Variants in ENPP7 observed in about 807,000 individuals in gnomAD.
ENPP7 encodes the protein ectonucleotide pyrophosphatase/phosphodiesterase family member 7.
A neutral mutation model predicts 33.6 loss-of-function variants in ENPP7; 39 were observed. The ratio of observed to expected loss-of-function variants is 1.16; its 90% CI spans 0.90 to 1.52. ENPP7 has a LOEUF of 1.52. Among genes scored for constraint, ENPP7 ranks in the 40% most tolerant of loss-of-function variants. The probability of loss-of-function intolerance (pLI) is 0.00; values close to 1 mark genes in which losing one functional copy is unlikely to be tolerated. For synonymous variants in ENPP7, 244 were observed against 274.3 expected (o/e 0.89, Z 1.09); for missense variants, 594 against 641.0 (o/e 0.93, Z 0.79).
chr17:79,740,915 G>A (rs145239935), intron 5 of ENPP7, among the ~76,000 whole-genome samples: 235 of 152,324 alleles, frequency 1.5e-3, no homozygotes, highest in African/African-American at 5.3e-3. Context: ...TGGGGGGTCC[G>A]AAGTTTTCAT....
At chr17:79,741,141 T>G (rs1427886617) in intron 5 of ENPP7, among the ~76,000 whole-genome samples, 1 of 152,154 alleles carries the variant, frequency 6.6e-6, no homozygotes, top group African/African-American at 2.4e-5. Flanking sequence ...TGCACCACCA[T>G]GCCCAACTAA....
Position 79,737,503 on chromosome 17 carries a change from T to G in ENPP7, c.1246+243T>G, listed in dbSNP as rs1443968375. 1.8e-4 allele frequency among the ~76,000 whole-genome samples: 27 copies of G among 152,276 alleles called. No individual in the cohort carries two copies. Among genetic ancestry groups the G allele is most frequent in the Non-Finnish European group, 3.5e-4 (24 of 67,986 alleles). On this transcript the variant is annotated intron_variant, in intron 4 of 5. Transcript: ENST00000328313. This position sits in a 1 kb window ranked among gnomAD's most constrained non-coding sequence, Gnocchi z 5.5. The stretch of plus-strand genomic sequence containing the variant: ...TGGGCAGTCTTGCTCAAGAAGGGGC[T>G]GGAGGGAGCGAGGGTGGCCCAGGCG...
At position 79,735,317 on chromosome 17, in the gene ENPP7, A is replaced by G; in HGVS notation, c.674A>G (p.Tyr225Cys). The G allele has an allele frequency of 6.2e-7, 1 of 1,613,212 alleles. No homozygotes were observed. Among genetic ancestry groups the G allele is most frequent in the East Asian group, 2.2e-5 (1 of 44,864 alleles). The part of the protein sequence containing the change: ...MVRQVDRTVG[Y>C]LRESIARNHL... ...CGGCAGGTGGACCGGACCGTGGGCTACCTCCGGGAGAGCATCGCGCGCAAC... is the reference window on the plus strand; with the variant it reads ...CGGCAGGTGGACCGGACCGTGGGCTGCCTCCGGGAGAGCATCGCGCGCAAC... Residue 225 changes from tyrosine (Y) to cysteine (C), a missense_variant, in exon 3 of 6, where the codon TAC (tyrosine) becomes TGC (cysteine). Tyr to Cys is a radical substitution (Grantham distance 194). This residue lies in a region of ENPP7 where 504 missense variants were observed against 512.8 expected (regional missense o/e 0.98). Coordinates refer to ENST00000328313, the MANE Select transcript of ENPP7 (RefSeq NM_178543.5). This position sits in a 1 kb window ranked among gnomAD's most constrained non-coding sequence, Gnocchi z 5.5.
In ENPP7 at chr17:79,737,052, C is replaced by G. The variant is rs782642819; in HGVS notation, c.1038C>G (p.Val346=). The G allele has an allele frequency of 1.4e-5, 22 of 1,613,940 alleles. No homozygotes were observed. Among genetic ancestry groups the G allele is most frequent in the East Asian group, 6.7e-5 (3 of 44,878 alleles). The change falls in exon 4 of 6, where the codon GTC becomes GTG. Residue 346 remains valine (V), a synonymous_variant. Transcript: ENST00000328313. The surrounding 1 kb of genome is among the most constrained non-coding windows in gnomAD (Gnocchi z 5.5). The part of the protein sequence containing the change: ...LGYVIHGRIN[V]QFNNGEHGFD... ...CCGCTCCCCGGCAGAGAATTAACGT[C>G]CAGTTCAACAATGGGGAGCACGGCT...
chr17:79,733,413 T>A (rs2094289781), intron 1 of ENPP7, 95 bp from the exon 2 acceptor site: 37 of 1,291,340 alleles, frequency 2.9e-5, no homozygotes, highest in Middle Eastern at 2.4e-4. Flanking sequence ...CAGGGAAACC[T>A]GGGCTGTTTT....
intron 3 of ENPP7, among the ~76,000 whole-genome samples, chr17:79,736,536 C>CGTGTGTGTGTGTGT (rs58744239): frequency 6.8e-6 from 1 of 146,010 alleles, no homozygotes; most frequent in African/African-American, 2.5e-5. Flanking sequence ...GTGTGATAGG[C>CGTGTGTGTGTGTGT]GTGTGTGTGT....
rs1454492813 is a variant in ENPP7, at chr17:79,735,657, C to T, written c.1014C>T (p.Tyr338=). Residue 338 remains tyrosine, a synonymous_variant, in exon 3 of 6, where the codon TAC becomes TAT. Transcript: ENST00000328313. The surrounding 1 kb of genome is among the most constrained non-coding windows in gnomAD (Gnocchi z 5.5). ...TPLLMYSDLG[Y]VIHGRINVQF... ...TGCTGATGTACAGCGACCTTGGCTA[C>T]GTCATCCATGGGGTGAGTCGCCTGC... is the stretch of plus-strand genomic sequence containing the variant. 1.1e-5 allele frequency: 18 copies of T among 1,607,090 alleles called. No homozygotes were observed. Among genetic ancestry groups the T allele is most frequent in the Non-Finnish European group, 1.4e-5 (16 of 1,174,964 alleles).
rs141147522 is a variant in ENPP7 at position 79,735,300 on chromosome 17, G to A, written c.657G>A (p.Val219=). 8.0e-4 allele frequency: 1,285 copies of A among 1,613,278 alleles called. 12 individuals are homozygous for A. The African/African-American group carries it at 0.016, about 20-fold the overall frequency. The change falls in exon 3 of 6, where the codon GTG becomes GTA. Residue 219 remains valine, a synonymous_variant. Transcript: ENST00000328313. The surrounding 1 kb of genome is among the most constrained non-coding windows in gnomAD (Gnocchi z 5.5). ...AGAGGAGGGAGATGGTGCGGCAGGT[G>A]GACCGGACCGTGGGCTACCTCCGGG... ...SPERREMVRQ[V]DRTVGYLRES...
chr17:79,740,939 A>ACTAG (rs1555824446), intron 5 of ENPP7, among the ~76,000 whole-genome samples: 1 of 152,168 alleles, frequency 6.6e-6, no homozygotes, highest in African/African-American at 2.4e-5. Flanking sequence ...AGCCTGGTAA[A>ACTAG]GTCCATTTGG....
chr17:79,735,665 A>G lies in ENPP7; in HGVS notation c.1022A>G (p.His341Arg), dbSNP rs1555823458. The G allele has an allele frequency of 6.2e-7, 1 of 1,603,124 alleles. No individual in the cohort carries two copies. The highest frequency in any genetic ancestry group is 1.1e-5 in the South Asian group (1 of 90,764). Reference protein sequence around the residue: ...LMYSDLGYVIHGRINVQFNNG... With the variant: ...LMYSDLGYVIRGRINVQFNNG... ...TACAGCGACCTTGGCTACGTCATCC[A>G]TGGGGTGAGTCGCCTGCTGGAGGCA... The change falls in exon 3 of 6, where the codon CAT becomes CGT. Residue 341 changes from histidine to arginine, a missense_variant. Physicochemically the swap from His to Arg is conservative, Grantham distance 29. This residue lies in a region of ENPP7 where 504 missense variants were observed against 512.8 expected (regional missense o/e 0.98). Coordinates refer to ENST00000328313, the MANE Select transcript of ENPP7 (RefSeq NM_178543.5). The surrounding 1 kb of genome is among the most constrained non-coding windows in gnomAD (Gnocchi z 5.5).
intron 5 of ENPP7, 106 bp from the exon 6 acceptor site, chr17:79,741,688 T>A: frequency 1.1e-5 from 1 of 88,598 alleles, no homozygotes; most frequent in Non-Finnish European, 1.3e-5. Context: ...CCACGACCCC[T>A]CCCTCCCAGT....
rs1598197565 is a variant in ENPP7 at position 79,732,134 on chromosome 17, A to ATATATATATATATACACATATATATG, written c.253+756_253+757insCACATATATATGTATATATATATATA. The stretch of plus-strand genomic sequence containing the variant: ...CATATATATATACATATATATATGT[A>ATATATATATATATACACATATATATG]TATATATATATATATACACACACAT... On this transcript the variant is annotated intron_variant, in intron 1 of 5. Coordinates refer to ENST00000328313, the MANE Select transcript of ENPP7 (RefSeq NM_178543.5). Among the ~76,000 whole-genome samples the ATATATATATATATACACATATATATG allele has an allele frequency of 6.7e-5, 4 of 60,094 alleles. No homozygotes were observed. The Admixed American group carries it at 7.9e-4, about 12-fold the overall frequency. 39.4% of individuals were successfully genotyped at this position (60,094 alleles called of 152,430 possible). A position where few individuals can be genotyped will look rare whatever the true frequency, so the allele number is the denominator to read the frequency against.
At chr17:79,733,753 C>T in intron 2 of ENPP7, 100 bp downstream of exon 2, 1 of 1,285,058 alleles carries the variant, frequency 7.8e-7, no homozygotes, top group African/African-American at 1.5e-5. Context: ...GTCCCTTCCC[C>T]ACTCCAGGGT....
At chr17:79,736,920 A>G (rs1325439712) in intron 3 of ENPP7, 121 bp from the exon 4 acceptor site, 3 of 731,376 alleles carry the variant, frequency 4.1e-6, no homozygotes, top group African/African-American at 3.5e-5. Flanking sequence ...GAGTCTTGGA[A>G]CCCCTCCAGC....
chr17:79,733,699 C>T, intron 2 of ENPP7, 46 bp downstream of exon 2: 1 of 1,545,314 alleles, frequency 6.5e-7, no homozygotes. Context: ...CACGGGGGCA[C>T]CTAGGCCCAG....
At position 79,735,221 on chromosome 17, in the gene ENPP7, T is replaced by C. The variant is rs1555823270; in HGVS notation, c.578T>C (p.Leu193Pro). 2 of 1,613,302 alleles carry C rather than the reference T, an allele frequency of 1.2e-6. No individual in the cohort carries two copies. The highest frequency in any genetic ancestry group is 3.3e-5 in the Admixed American group (2 of 60,020). Reference protein sequence around the residue: ...FTEEDLDLVTLYFGEPDSTGH... With the variant: ...FTEEDLDLVTPYFGEPDSTGH... ...GAGGAGGACCTGGATCTGGTCACACTCTACTTCGGGGAGCCGGACTCCACG... is the reference window on the plus strand; with the variant it reads ...GAGGAGGACCTGGATCTGGTCACACCCTACTTCGGGGAGCCGGACTCCACG... Residue 193 changes from leucine to proline, a missense_variant, in exon 3 of 6, where the codon CTC becomes CCC. By Grantham distance (98) the Leu-to-Pro change is moderately conservative. This residue lies in a region of ENPP7 where 504 missense variants were observed against 512.8 expected (regional missense o/e 0.98). Transcript: ENST00000328313. The surrounding 1 kb of genome is among the most constrained non-coding windows in gnomAD (Gnocchi z 5.5).
chr17:79,731,622 GCTTC>G (rs1276474727), intron 1 of ENPP7, among the ~76,000 whole-genome samples: 6 of 152,230 alleles, frequency 3.9e-5, no homozygotes, highest in Middle Eastern at 3.2e-3. Context: ...ACCCCAGAAG[GCTTC>G]AGGAGGAGGG....
At position 79,731,232 on chromosome 17, in the gene ENPP7, C is replaced by T. The variant is rs2094284630; in HGVS notation, c.93C>T (p.Asn31=). 13 of 1,613,044 alleles carry T rather than the reference C, an allele frequency of 8.1e-6. No individual in the cohort carries two copies. Among genetic ancestry groups the T allele is most frequent in the Non-Finnish European group, 9.3e-6 (11 of 1,179,978 alleles). Residue 31 remains asparagine, a synonymous_variant, in exon 1 of 6, where the codon AAC becomes AAT. Coordinates refer to ENST00000328313, the MANE Select transcript of ENPP7 (RefSeq NM_178543.5). The part of the protein sequence containing the change: ...GAPVQSQGSQ[N]KLLLVSFDGF... Reference sequence around the variant, plus strand: ...CGGTACAAAGTCAGGGCTCCCAGAACAAGCTGCTCCTGGTGTCCTTCGACG... The same window carrying T: ...CGGTACAAAGTCAGGGCTCCCAGAATAAGCTGCTCCTGGTGTCCTTCGACG...
intron 5 of ENPP7, among the ~76,000 whole-genome samples, chr17:79,740,553 C>T (rs139624326): frequency 1.5e-3 from 235 of 152,316 alleles, no homozygotes; most frequent in African/African-American, 5.3e-3. Context: ...CGCTAGAGTC[C>T]ACAACCATTT....
Sources: allele counts gnomAD v4.1 joint callset (sites outside exome capture counted in the v4.1 genomes callset), GRCh38; gene constraint gnomAD v4.1.1; regional missense constraint gnomAD v4.1.1; non-coding constraint Gnocchi (gnomAD v3.1); transcripts MANE v1.5; gene names NCBI Gene and HGNC (gene_info 2026-07-23, HGNC 2026-07-21).